SGCZ: variants seen among roughly 807,000 people sequenced by gnomAD.
SGCZ encodes the protein zeta-sarcoglycan.
In SGCZ, 40 loss-of-function variants were observed where a neutral mutation model predicts 41.3. The ratio of observed to expected loss-of-function variants is 0.97; its 90% confidence interval spans 0.75 to 1.26. SGCZ has a LOEUF of 1.26. SGCZ is among the 50% of genes most tolerant of loss of function. The pLI, the probability that SGCZ is intolerant of heterozygous loss-of-function variation, is 0.00. For synonymous variants in SGCZ, 206 were observed against 137.5 expected (o/e 1.50, Z -3.49); for missense variants, 552 against 369.8 (o/e 1.49, Z -4.04).
intron 2 of SGCZ, among the ~76,000 whole-genome samples, chr8:14,352,074 A>G (rs1377335002): frequency 6.6e-6 from 1 of 152,140 alleles, no homozygotes; most frequent in Non-Finnish European, 1.5e-5. Flanking sequence ...TTTACATTAC[A>G]TATTCTTTAA....
intron 1 of SGCZ, among the ~76,000 whole-genome samples, chr8:14,984,167 C>G (rs1282167668): frequency 6.6e-6 from 1 of 152,158 alleles, no homozygotes; most frequent in Non-Finnish European, 1.5e-5. Context: ...CAATTATCAA[C>G]CCAGAGCCAC....
At chr8:14,666,912 A>AC (rs1335088961) in intron 1 of SGCZ, among the ~76,000 whole-genome samples, 1 of 128,364 alleles carries the variant, frequency 7.8e-6, no homozygotes, top group Non-Finnish European at 1.5e-5. Flanking sequence ...ATAAGAATAA[A>AC]CCCTAGAAAT....
At chr8:14,171,181 A>AT (rs1554471738) in intron 4 of SGCZ, among the ~76,000 whole-genome samples, 1 of 145,450 alleles carries the variant, frequency 6.9e-6, no homozygotes, top group South Asian at 2.2e-4. Context: ...ACACCTCAGA[A>AT]TTTTTTTCTT....
chr8:14,085,614 T>C lies in SGCZ; in HGVS notation c.*4829A>G, dbSNP rs1243630077. On this transcript the variant is annotated 3_prime_UTR_variant, in exon 8 of 8. Coordinates refer to ENST00000382080, the MANE Select transcript of SGCZ (RefSeq NM_139167.4). ...ATTTCAAATTTTATTCTCCAAATAG[T>C]GTTCAGCAAGCAGTGAAAGTTGAAA... 4.0e-5 allele frequency among the ~76,000 whole-genome samples: 6 copies of C among 151,790 alleles called. No individual in the cohort carries two copies. The highest frequency in any genetic ancestry group is 1.2e-4 in the African/African-American group (5 of 41,400).
chr8:14,242,192 T>G (rs1798915632), intron 3 of SGCZ, among the ~76,000 whole-genome samples: 1 of 152,192 alleles, frequency 6.6e-6, no homozygotes, highest in Admixed American at 6.5e-5. Context: ...ATATGGGTGT[T>G]TCAGGTAAGG....
intron 2 of SGCZ, among the ~76,000 whole-genome samples, chr8:14,446,757 C>A (rs992015763): frequency 3.3e-5 from 5 of 152,132 alleles, no homozygotes; most frequent in African/African-American, 1.2e-4. Flanking sequence ...ATTGAGTCTT[C>A]ATGCACCCTG....
chr8:15,034,698 C>T (rs143104287), intron 1 of SGCZ, among the ~76,000 whole-genome samples: 7 of 152,046 alleles, frequency 4.6e-5, no homozygotes, highest in Admixed American at 3.3e-4. Flanking sequence ...AAGAGAGGAC[C>T]CTGAAAGCAG....
chr8:15,180,831 G>A lies in SGCZ; in HGVS notation c.39+56754C>T, dbSNP rs191515166. The stretch of plus-strand genomic sequence containing the variant: ...GAACCCAGGAGGCAGAGTTTGCAGT[G>A]AGCCGAGATCATGCCACTGCACTCC... On this transcript the variant is annotated intron_variant, in intron 1 of 7. Transcript: ENST00000382080. 4.0e-5 allele frequency among the ~76,000 whole-genome samples: 6 copies of A among 151,446 alleles called. No individual in the cohort carries two copies. In the East Asian group the frequency reaches 1.2e-3, roughly 30 times the overall value.
chr8:14,614,673 T>A (rs890222832), intron 1 of SGCZ, among the ~76,000 whole-genome samples: 2 of 152,046 alleles, frequency 1.3e-5, no homozygotes, highest in Non-Finnish European at 2.9e-5. Context: ...AGTTAGAAAA[T>A]TTTTTAAAAG....
chr8:14,401,209 T>A (rs116129037), intron 2 of SGCZ, among the ~76,000 whole-genome samples: 1,549 of 152,268 alleles, frequency 0.01, 33 homozygotes, highest in African/African-American at 0.035. Flanking sequence ...ATTATGCATA[T>A]CAATAAAACA....
intron 1 of SGCZ, among the ~76,000 whole-genome samples, chr8:14,685,965 T>C (rs1381921070): frequency 3.9e-5 from 6 of 152,224 alleles, no homozygotes; most frequent in African/African-American, 1.2e-4. Context: ...AACCTACAGA[T>C]ACTCAACCAC....
intron 2 of SGCZ, among the ~76,000 whole-genome samples, chr8:14,495,932 T>G (rs532692796): frequency 6.6e-6 from 1 of 152,164 alleles, no homozygotes; most frequent in Non-Finnish European, 1.5e-5. Flanking sequence ...TCTAGGGACT[T>G]GAGTAGACAG....
chr8:15,064,664 T>C (rs1805060276), intron 1 of SGCZ, among the ~76,000 whole-genome samples: 1 of 152,062 alleles, frequency 6.6e-6, no homozygotes, highest in East Asian at 1.9e-4. Flanking sequence ...TTCCTCATAA[T>C]TGCTTCTTTG....
At chr8:14,583,485 G>C (rs917525335) in intron 1 of SGCZ, among the ~76,000 whole-genome samples, 1 of 151,954 alleles carries the variant, frequency 6.6e-6, no homozygotes, top group Non-Finnish European at 1.5e-5. Context: ...AGTTTCTTTT[G>C]CTGTGCAGAA....
intron 5 of SGCZ, among the ~76,000 whole-genome samples, chr8:14,121,995 G>A (rs1802710598): frequency 6.6e-6 from 1 of 152,016 alleles, no homozygotes; most frequent in African/African-American, 2.4e-5. Flanking sequence ...AGACTTTAAG[G>A]AGGCCGGGTG....
chr8:15,222,807 G>C (rs746498689), intron 1 of SGCZ, among the ~76,000 whole-genome samples: 70 of 152,096 alleles, frequency 4.6e-4, no homozygotes, highest in Non-Finnish European at 8.2e-4. Flanking sequence ...GTGGGTGTGT[G>C]TGTGTGTGAC....
intron 2 of SGCZ, among the ~76,000 whole-genome samples, chr8:14,489,183 C>T (rs1326460263): frequency 1.3e-5 from 2 of 151,834 alleles, no homozygotes; most frequent in Non-Finnish European, 2.9e-5. Context: ...ATTAGTTTAA[C>T]AAGGCTGTTT....
chr8:14,519,331 A>G (rs1285630085), intron 2 of SGCZ, among the ~76,000 whole-genome samples: 3 of 152,120 alleles, frequency 2.0e-5, no homozygotes, highest in Admixed American at 1.3e-4. Context: ...GTGATAAAAT[A>G]CATGCCATAC....
At chr8:15,172,239 G>A (rs543594534) in intron 1 of SGCZ, among the ~76,000 whole-genome samples, 2 of 127,804 alleles carry the variant, frequency 1.6e-5, no homozygotes, top group African/African-American at 6.2e-5. Context: ...TCGACTCACT[G>A]CAAGCTCCGC....
Sources: allele counts gnomAD v4.1 joint callset (sites outside exome capture counted in the v4.1 genomes callset), GRCh38; gene constraint gnomAD v4.1.1; transcripts MANE v1.5; gene names NCBI Gene and HGNC (gene_info 2026-07-23, HGNC 2026-07-21).